SASH1: variants seen among roughly 807,000 people sequenced by gnomAD.
SASH1 encodes SAM and SH3 domain-containing protein 1.
SASH1 carries 44 observed loss-of-function variants against 125.2 expected under a neutral mutation model. The ratio of observed to expected loss-of-function variants is 0.35; its 90% confidence interval spans 0.28 to 0.45. The LOEUF is 0.45. SASH1 is among the 20% of genes least tolerant of loss of function. The pLI is 1.00. For missense variants in SASH1, 1,426 were observed against 1,614.5 expected (o/e 0.88, Z 2.00); for synonymous variants, 639 against 649.1 (o/e 0.98, Z 0.24).
intron 8 of SASH1, chr6:148,513,066 A>G: frequency 2.0e-6 from 2 of 985,426 alleles, no homozygotes; most frequent in Non-Finnish European, 2.4e-6. Flanking sequence ...ATGCCTAAAT[A>G]ATGCATAGAA....
intron 7 of SASH1, among the ~76,000 whole-genome samples, chr6:148,484,563 T>C (rs867216052): frequency 1.3e-5 from 2 of 151,980 alleles, no homozygotes; most frequent in Middle Eastern, 6.3e-3. Flanking sequence ...GGTTTTTTTT[T>C]TTCCTGTGCA....
At chr6:148,352,796 C>T (rs1247886151) in intron 1 of SASH1, among the ~76,000 whole-genome samples, 1 of 151,744 alleles carries the variant, frequency 6.6e-6, no homozygotes, top group Non-Finnish European at 1.5e-5. Flanking sequence ...TGGCGAAACC[C>T]CACCTCCACT....
the SASH1 span, among the ~76,000 whole-genome samples, chr6:148,256,296 A>G: frequency 1.3e-5 from 2 of 152,360 alleles, no homozygotes; most frequent in African/African-American, 4.8e-5. Context: ...CAGTTTTAGA[A>G]CACATTAATT....
the SASH1 span, among the ~76,000 whole-genome samples, chr6:148,199,894 C>T: frequency 2.0e-5 from 3 of 151,968 alleles, no homozygotes; most frequent in Non-Finnish European, 4.4e-5. Context: ...AGGCAAAGAC[C>T]AGCATGTGTG....
chr6:148,291,570 G>C (rs562512205), intron 1 of SASH1, among the ~76,000 whole-genome samples: 5 of 152,180 alleles, frequency 3.3e-5, no homozygotes, highest in African/African-American at 1.2e-4. Context: ...TATAGTCCCA[G>C]CTCCTTGGGA....
intron 1 of SASH1, among the ~76,000 whole-genome samples, chr6:148,324,297 G>C (rs906635419): frequency 1.3e-5 from 2 of 152,154 alleles, no homozygotes; most frequent in Non-Finnish European, 2.9e-5. Context: ...CTGAGTTCTA[G>C]ATTATCCATG....
At chr6:148,242,096 G>A in the SASH1 span, among the ~76,000 whole-genome samples, 19 of 152,158 alleles carry the variant, frequency 1.2e-4, no homozygotes, top group African/African-American at 3.6e-4. Context: ...CACGGACATC[G>A]TAAGATAATG....
At chr6:148,453,175 C>T (rs1402163351) in intron 4 of SASH1, among the ~76,000 whole-genome samples, 2 of 152,170 alleles carry the variant, frequency 1.3e-5, no homozygotes, top group East Asian at 1.9e-4. Context: ...TGCCCTGTGT[C>T]CTTTGCCGGT....
chr6:148,471,745 C>A (rs538276884), intron 6 of SASH1, among the ~76,000 whole-genome samples: 1 of 152,310 alleles, frequency 6.6e-6, no homozygotes, highest in South Asian at 2.1e-4. Context: ...ATAGATCTGA[C>A]AGCAGAGGCC....
At position 148,388,157 on chromosome 6, in the gene SASH1, C is replaced by T. The variant is rs180985601; in HGVS notation, c.157-1977C>T. ...CTCGAACTCCTGACCGCAGGTGATC[C>T]GCCCACCTCAGCCTCCCAAAGTGCT... On this transcript the variant is annotated intron_variant, in intron 1 of 19. Transcript: ENST00000367467. Among the ~76,000 whole-genome samples, 297 of 152,008 alleles carry T rather than the reference C, an allele frequency of 2.0e-3. 1 individual carries two copies. The highest frequency in any genetic ancestry group is 6.9e-3 in the African/African-American group (286 of 41,442).
At chr6:148,542,752 A>G (rs1583332953) in intron 17 of SASH1, among the ~76,000 whole-genome samples, 2 of 152,350 alleles carry the variant, frequency 1.3e-5, no homozygotes, top group Middle Eastern at 6.8e-3. Flanking sequence ...ATATCCTACA[A>G]ATGCATAGCA....
intron 2 of SASH1, among the ~76,000 whole-genome samples, chr6:148,424,103 T>A (rs1775698774): frequency 6.6e-6 from 1 of 152,106 alleles, no homozygotes; most frequent in Admixed American, 6.6e-5. Context: ...TTGTAAGTAA[T>A]TTATTCTATT....
intron 9 of SASH1, among the ~76,000 whole-genome samples, chr6:148,515,195 A>G (rs915865943): frequency 6.6e-6 from 1 of 152,180 alleles, no homozygotes; most frequent in Non-Finnish European, 1.5e-5. Context: ...AAAGAATAAG[A>G]TAAGATTTTT....
chr6:148,514,302 T>G (rs1217210534), intron 8 of SASH1, 22 bp from the exon 9 acceptor site: 19 of 1,515,130 alleles, frequency 1.3e-5, no homozygotes, highest in Non-Finnish European at 1.7e-5. Flanking sequence ...CTGATTAACT[T>G]TTTCCTTTGT....
chr6:148,333,762 T>C (rs1371003817), intron 1 of SASH1, among the ~76,000 whole-genome samples: 1 of 151,982 alleles, frequency 6.6e-6, no homozygotes, highest in Non-Finnish European at 1.5e-5. Flanking sequence ...GGTTTCTCCA[T>C]GTTGGTCAGG....
Position 148,533,916 on chromosome 6 carries a change from G to A in SASH1, c.1880G>A (p.Arg627His), listed in dbSNP as rs142772838. The change falls in exon 15 of 20, where the codon CGT (arginine) becomes CAT (histidine). Residue 627 changes from arginine (R) to histidine (H), a missense_variant. Coordinates refer to ENST00000367467, the MANE Select transcript of SASH1 (RefSeq NM_015278.5). The surrounding 1 kb of genome is among the most constrained non-coding windows in gnomAD (Gnocchi z 6.2). ...AAACCCAAACGCCCCACCAGGAGGC[G>A]TCGGAAAGGACGACCACCCCAGCCC... Reference protein sequence around the residue: ...EEKPKRPTRRRRKGRPPQPKS... With the variant: ...EEKPKRPTRRHRKGRPPQPKS... 451 of 1,613,982 alleles carry A rather than the reference G, an allele frequency of 2.8e-4. No individual in the cohort carries two copies. The African/African-American group carries it at 5.4e-3, about 19-fold the overall frequency.
chr6:148,333,929 TCTC>T (rs539065224), intron 1 of SASH1, among the ~76,000 whole-genome samples: 62 of 151,926 alleles, frequency 4.1e-4, no homozygotes, highest in African/African-American at 1.5e-3. Context: ...TTCAAGCAAT[TCTC>T]CTGCCTCAAC....
the SASH1 span, among the ~76,000 whole-genome samples, chr6:148,207,585 A>G: frequency 6.6e-6 from 1 of 152,242 alleles, no homozygotes; most frequent in Non-Finnish European, 1.5e-5. Context: ...GTATGACAGA[A>G]GGACACACAA....
Position 148,544,584 on chromosome 6 carries a change from A to G in SASH1, c.3114A>G (p.Ala1038=), listed in dbSNP as rs1782442630. 1.2e-6 allele frequency: 2 copies of G among 1,613,196 alleles called. No homozygotes were observed. Among genetic ancestry groups the G allele is most frequent in the Non-Finnish European group, 1.7e-6 (2 of 1,179,910 alleles). The part of the protein sequence containing the change: ...SPTSPSDCPP[A]LAPRPLSGQA... ...CCAGCCCTAGCGACTGTCCCCCAGC[A>G]CTGGCTCCCAGGCCTCTCTCAGGGC... Residue 1038 remains alanine (A), a synonymous_variant, in exon 18 of 20, where the codon GCA becomes GCG. Transcript: ENST00000367467. The surrounding 1 kb of genome is among the most constrained non-coding windows in gnomAD (Gnocchi z 6.4).
Sources: allele counts gnomAD v4.1 joint callset (sites outside exome capture counted in the v4.1 genomes callset), GRCh38; gene constraint gnomAD v4.1.1; non-coding constraint Gnocchi (gnomAD v3.1); transcripts MANE v1.5; gene names NCBI Gene and HGNC (gene_info 2026-07-23, HGNC 2026-07-21).